The following FBXO16 variants were observed in gnomAD, a reference collection of about 807,000 sequenced individuals.
FBXO16 encodes the protein F-box only protein 16.
A neutral mutation model predicts 41.0 loss-of-function variants in FBXO16; 31 were observed. That is an observed-to-expected ratio of 0.76 (90% confidence interval 0.57 to 1.02). The LOEUF (loss-of-function observed/expected upper bound fraction) is 1.02, where lower values mean the gene tolerates loss of function less well. FBXO16 is among the 50% of genes least tolerant of loss of function. The probability of loss-of-function intolerance (pLI) is 0.00; values close to 1 mark genes in which losing one functional copy is unlikely to be tolerated. For missense variants in FBXO16, 361 were observed against 346.2 expected (o/e 1.04, Z -0.34); for synonymous variants, 133 against 117.8 (o/e 1.13, Z -0.84).
intron 1 of FBXO16, 36 bp from the exon 2 acceptor site, chr8:28,483,498 G>T (rs1467351918): frequency 6.7e-7 from 1 of 1,495,956 alleles, no homozygotes; most frequent in Admixed American, 1.7e-5. Context: ...CAGAAGAAGT[G>T]AATCATATAA....
chr8:28,464,008 A>G lies in FBXO16; in HGVS notation c.136-190T>C, dbSNP rs531129146. Reference sequence around the variant, plus strand: ...CTCACATTTATATGGGAGCATGTGCATGACCTAAGTGCGCACACAGAAGTG... The same window carrying G: ...CTCACATTTATATGGGAGCATGTGCGTGACCTAAGTGCGCACACAGAAGTG... On this transcript the variant is annotated intron_variant, in intron 3 of 8. Coordinates refer to ENST00000380254, the MANE Select transcript of FBXO16 (RefSeq NM_172366.4). Among the ~76,000 whole-genome samples the G allele has an allele frequency of 1.2e-4, 18 of 152,336 alleles. 1 individual carries two copies. The highest frequency in any genetic ancestry group is 4.1e-4 in the African/African-American group (17 of 41,574).
intron 7 of FBXO16, among the ~76,000 whole-genome samples, chr8:28,443,852 A>G (rs1030117394): frequency 2.0e-5 from 3 of 152,256 alleles, no homozygotes; most frequent in African/African-American, 7.2e-5. Flanking sequence ...GATTACTGCC[A>G]TGACAGTTTA....
At chr8:28,441,212 T>C (rs1432658933) in intron 7 of FBXO16, among the ~76,000 whole-genome samples, 2 of 152,024 alleles carry the variant, frequency 1.3e-5, no homozygotes, top group Non-Finnish European at 2.9e-5. Flanking sequence ...TCCTCCTACC[T>C]CTTTCCTCCC....
chr8:28,460,225 G>GTGTATA (rs1554526791), intron 4 of FBXO16, among the ~76,000 whole-genome samples: 8 of 75,222 alleles, frequency 1.1e-4, no homozygotes, highest in African/African-American at 4.2e-4. Flanking sequence ...ATATGTGTGT[G>GTGTATA]TATATATATA....
intron 7 of FBXO16, among the ~76,000 whole-genome samples, chr8:28,445,850 C>T (rs1315325021): frequency 1.3e-5 from 2 of 151,794 alleles, no homozygotes; most frequent in South Asian, 4.2e-4. Context: ...TTCCTGAGTA[C>T]GTACTTATTC....
chr8:28,464,873 C>T (rs1490782781), intron 3 of FBXO16, among the ~76,000 whole-genome samples: 1 of 152,108 alleles, frequency 6.6e-6, no homozygotes, highest in African/African-American at 2.4e-5. Context: ...AGGCTGGTCT[C>T]GAACTTCTGA....
chr8:28,474,148 A>T (rs957699745), intron 2 of FBXO16, among the ~76,000 whole-genome samples: 29 of 151,656 alleles, frequency 1.9e-4, no homozygotes, highest in Non-Finnish European at 3.1e-4. Flanking sequence ...ACATGGTGAG[A>T]CTCTATCTCT....
chr8:28,433,868 C>T (rs1802647913), intron 7 of FBXO16, among the ~76,000 whole-genome samples: 1 of 151,860 alleles, frequency 6.6e-6, no homozygotes, highest in African/African-American at 2.4e-5. Flanking sequence ...ACGAGGGTCC[C>T]ACAGGAGGCT....
chr8:28,485,135 C>G (rs1165288116), intron 1 of FBXO16, among the ~76,000 whole-genome samples: 4 of 152,138 alleles, frequency 2.6e-5, no homozygotes, highest in Admixed American at 2.6e-4. Flanking sequence ...CTCGCCTGAT[C>G]AATGGGCTCC....
At chr8:28,441,908 A>ATGTGTG (rs1190692957) in intron 7 of FBXO16, among the ~76,000 whole-genome samples, 7 of 115,380 alleles carry the variant, frequency 6.1e-5, no homozygotes, top group African/African-American at 3.3e-4. Context: ...GTGTATATAT[A>ATGTGTG]TATGTGTGTG....
At chr8:28,457,045 T>C in intron 4 of FBXO16, 115 bp from the exon 5 acceptor site, 2 of 1,123,422 alleles carry the variant, frequency 1.8e-6, no homozygotes, top group Non-Finnish European at 2.5e-6. Context: ...TTTTTTGTCC[T>C]TTGCCTCCAA....
chr8:28,453,303 G>T (rs759085773), intron 5 of FBXO16, among the ~76,000 whole-genome samples: 1 of 151,608 alleles, frequency 6.6e-6, no homozygotes, highest in Non-Finnish European at 1.5e-5. Context: ...CCATTGTCTA[G>T]TTTGTCACAA....
intron 6 of FBXO16, among the ~76,000 whole-genome samples, chr8:28,451,380 G>GTTTTTTTTTTTTTTTTTT (rs67171132): frequency 7.2e-6 from 1 of 138,704 alleles, no homozygotes; most frequent in African/African-American, 2.6e-5. Context: ...CTTTGTTGTT[G>GTTTTTTTTTTTTTTTTTT]TTTTTTTTTT....
At chr8:28,467,598 C>A (rs1268626223) in intron 3 of FBXO16, among the ~76,000 whole-genome samples, 1 of 152,024 alleles carries the variant, frequency 6.6e-6, no homozygotes, top group Non-Finnish European at 1.5e-5. Context: ...AAAAGATGTG[C>A]GCATAAAATT....
At chr8:28,464,891 A>G (rs1453569898) in intron 3 of FBXO16, among the ~76,000 whole-genome samples, 1 of 152,150 alleles carries the variant, frequency 6.6e-6, no homozygotes, top group Admixed American at 6.6e-5. Context: ...TGACCTCGTG[A>G]TCCACCCACC....
rs761126601 is a variant in FBXO16, at chr8:28,428,624, T to A, written c.*103A>T. The A allele has an allele frequency of 1.9e-6, 3 of 1,552,884 alleles. No individual in the cohort carries two copies. Among genetic ancestry groups the A allele is most frequent in the Non-Finnish European group, 2.6e-6 (3 of 1,147,728 alleles). ...TTGGGGCCCAGGGTGCCTGTGAGGATGCTGCATGAGAATTTCAGCTGTGGT... is the reference window on the plus strand; with the variant it reads ...TTGGGGCCCAGGGTGCCTGTGAGGAAGCTGCATGAGAATTTCAGCTGTGGT... On this transcript the variant is annotated 3_prime_UTR_variant, in exon 9 of 9. Coordinates refer to ENST00000380254, the MANE Select transcript of FBXO16 (RefSeq NM_172366.4).
chr8:28,456,578 G>A, intron 5 of FBXO16, 188 bp downstream of exon 5: 1 of 632,126 alleles, frequency 1.6e-6, no homozygotes. Flanking sequence ...GGCAAATGAG[G>A]GCTCTCAACT....
chr8:28,489,499 G>A lies in FBXO16; in HGVS notation c.-17+687C>T, dbSNP rs1263355155. On this transcript the variant is annotated intron_variant, in intron 1 of 8. Coordinates refer to ENST00000380254, the MANE Select transcript of FBXO16 (RefSeq NM_172366.4). ...AGCCCAGGAATTCCAGACCAGCCTG[G>A]GCAACACAGCAAAACCCTATCTCTA... Among the ~76,000 whole-genome samples the A allele has an allele frequency of 2.0e-5, 3 of 146,416 alleles. No homozygotes were observed. In the East Asian group the frequency reaches 6.0e-4, roughly 29 times the overall value.
At chr8:28,457,053 C>A in intron 4 of FBXO16, 123 bp from the exon 5 acceptor site, 2 of 968,706 alleles carry the variant, frequency 2.1e-6, no homozygotes, top group South Asian at 1.9e-5. Flanking sequence ...CCTTTGCCTC[C>A]AAACCATAGC....
Sources: allele counts gnomAD v4.1 joint callset (sites outside exome capture counted in the v4.1 genomes callset), GRCh38; gene constraint gnomAD v4.1.1; transcripts MANE v1.5; gene names NCBI Gene and HGNC (gene_info 2026-07-23, HGNC 2026-07-21).